Variants in CACNA2D1 observed in about 807,000 individuals in gnomAD.
CACNA2D1 encodes the protein voltage-dependent calcium channel subunit alpha-2/delta-1.
Under a neutral mutation model 171.5 loss-of-function variants are expected in CACNA2D1, and 53 were observed. The ratio of observed to expected loss-of-function variants is 0.31; its 90% confidence interval spans 0.25 to 0.39. The LOEUF is 0.39. CACNA2D1 is among the 10% of genes least tolerant of loss of function. CACNA2D1 has a pLI of 1.00. For missense variants in CACNA2D1, 903 were observed against 1,299.8 expected, an observed-to-expected ratio of 0.69 and a Z score of 4.69; for synonymous variants, 442 against 443.1, an observed-to-expected ratio of 1.00 and a Z score of 0.03.
At chr7:82,295,563 C>G (rs1281786686) in intron 3 of CACNA2D1, among the ~76,000 whole-genome samples, 2 of 151,590 alleles carry the variant, frequency 1.3e-5, no homozygotes, top group Non-Finnish European at 2.9e-5. Flanking sequence ...ACCATGTTGC[C>G]TAGGCTAGTC....
At chr7:82,173,205 G>A (rs1171780321) in intron 3 of CACNA2D1, among the ~76,000 whole-genome samples, 1 of 152,050 alleles carries the variant, frequency 6.6e-6, no homozygotes, top group Non-Finnish European at 1.5e-5. Flanking sequence ...CAGAGAAACA[G>A]AATAACAGTG....
intron 3 of CACNA2D1, among the ~76,000 whole-genome samples, chr7:82,280,773 T>C (rs1459520492): frequency 6.6e-6 from 1 of 152,146 alleles, no homozygotes; most frequent in Non-Finnish European, 1.5e-5. Flanking sequence ...CCTTGAACTC[T>C]TGGGCTCCAG....
chr7:82,074,426 C>G (rs1808709603), intron 7 of CACNA2D1, among the ~76,000 whole-genome samples: 2 of 151,918 alleles, frequency 1.3e-5, no homozygotes, highest in South Asian at 2.1e-4. Flanking sequence ...TGAGGTTGCA[C>G]TATGTTGGCC....
intron 2 of CACNA2D1, among the ~76,000 whole-genome samples, chr7:82,341,762 T>G (rs967123063): frequency 2.6e-5 from 4 of 152,058 alleles, no homozygotes; most frequent in African/African-American, 9.7e-5. Context: ...TTTTTAAAAA[T>G]CACATTTGAG....
At chr7:81,999,835 A>G (rs1798407502) in intron 18 of CACNA2D1, among the ~76,000 whole-genome samples, 1 of 152,258 alleles carries the variant, frequency 6.6e-6, no homozygotes. Flanking sequence ...TAGGAATTAT[A>G]AAAGATATGA....
At chr7:82,134,022 G>A (rs1322961531) in intron 5 of CACNA2D1, among the ~76,000 whole-genome samples, 4 of 151,812 alleles carry the variant, frequency 2.6e-5, no homozygotes, top group African/African-American at 9.7e-5. Context: ...GCAGTGAACC[G>A]AGATCGCACC....
Position 81,994,888 on chromosome 7 carries a change from G to C in CACNA2D1, c.1714C>G (p.Leu572Val). ...GESGEKTFRT[L>V]VKSQDERYID... Reference sequence around the variant, plus strand: ...CTTACCTCATCTTGAGATTTAACCAGAGTTCTGAATGTTTTTTCTCCACTT... The same window carrying C: ...CTTACCTCATCTTGAGATTTAACCACAGTTCTGAATGTTTTTTCTCCACTT... The change falls in exon 20 of 39, where the codon CTG becomes GTG. Residue 572 changes from leucine (L) to valine (V), a missense_variant. By Grantham distance (32) the Leu-to-Val change is conservative (BLOSUM62 1). Coordinates refer to ENST00000356860, the MANE Select transcript of CACNA2D1 (RefSeq NM_000722.4). 2.6e-6 allele frequency: 4 copies of C among 1,526,694 alleles called. No homozygotes were observed. Among genetic ancestry groups the C allele is most frequent in the Non-Finnish European group, 3.6e-6 (4 of 1,100,814 alleles). The allele number at this position is 1,526,694 out of a possible 1,614,324, so 94.6% of individuals were successfully genotyped here.
At chr7:82,123,010 A>G (rs1312957121) in intron 5 of CACNA2D1, among the ~76,000 whole-genome samples, 2 of 152,214 alleles carry the variant, frequency 1.3e-5, no homozygotes, top group Non-Finnish European at 2.9e-5. Context: ...GAGATCACAC[A>G]GTAGGACTCC....
At chr7:82,402,714 A>C (rs1826569667) in intron 1 of CACNA2D1, among the ~76,000 whole-genome samples, 2 of 149,774 alleles carry the variant, frequency 1.3e-5, no homozygotes, top group South Asian at 2.1e-4. Context: ...TCAAAAAAAA[A>C]AAAAAAAAAA....
chr7:82,364,390 T>C (rs1181200829), intron 1 of CACNA2D1, among the ~76,000 whole-genome samples: 1 of 152,182 alleles, frequency 6.6e-6, no homozygotes, highest in Non-Finnish European at 1.5e-5. Flanking sequence ...CCCTGCATTG[T>C]TGTCCACCTG....
At chr7:82,377,568 G>T (rs2129448904) in intron 1 of CACNA2D1, among the ~76,000 whole-genome samples, 1 of 152,270 alleles carries the variant, frequency 6.6e-6, no homozygotes, top group South Asian at 2.1e-4. Context: ...ATAATGGAAG[G>T]ATTTGATCAT....
At chr7:82,347,587 C>T (rs1409639072) in intron 2 of CACNA2D1, among the ~76,000 whole-genome samples, 1 of 152,166 alleles carries the variant, frequency 6.6e-6, no homozygotes, top group Admixed American at 6.5e-5. Context: ...TAAACTCTGA[C>T]ATCCTTCAGC....
At chr7:82,128,174 C>T (rs1790558547) in intron 5 of CACNA2D1, among the ~76,000 whole-genome samples, 1 of 151,854 alleles carries the variant, frequency 6.6e-6, no homozygotes, top group Non-Finnish European at 1.5e-5. Flanking sequence ...AAGTGTTCTG[C>T]CTGCCTCAGC....
chr7:81,971,699 A>T, intron 26 of CACNA2D1, 78 bp downstream of exon 26: 2 of 818,002 alleles, frequency 2.4e-6, no homozygotes, highest in Non-Finnish European at 4.3e-6. Flanking sequence ...AATTTATGAG[A>T]TTCATACCCA....
chr7:82,240,418 A>G (rs960588410), intron 3 of CACNA2D1, among the ~76,000 whole-genome samples: 1 of 152,212 alleles, frequency 6.6e-6, no homozygotes, highest in Non-Finnish European at 1.5e-5. Context: ...ATCTCATTTT[A>G]TATTTTGGAT....
At chr7:82,276,004 T>C (rs747543658) in intron 3 of CACNA2D1, among the ~76,000 whole-genome samples, 2 of 152,182 alleles carry the variant, frequency 1.3e-5, no homozygotes, top group Non-Finnish European at 2.9e-5. Flanking sequence ...TACTTAACTA[T>C]TATCATTTCT....
chr7:82,384,450 G>A (rs200495938), intron 1 of CACNA2D1, among the ~76,000 whole-genome samples: 6 of 152,022 alleles, frequency 3.9e-5, no homozygotes, highest in Non-Finnish European at 5.9e-5. Flanking sequence ...TGAATGAGTC[G>A]GCACCTTATT....
intron 3 of CACNA2D1, among the ~76,000 whole-genome samples, chr7:82,294,349 CT>C (rs1239584069): frequency 2.0e-5 from 3 of 152,028 alleles, no homozygotes; most frequent in Non-Finnish European, 4.4e-5. Flanking sequence ...GAAATTTTAA[CT>C]TGATATTAGG....
intron 5 of CACNA2D1, 57 bp downstream of exon 5, chr7:82,136,578 G>C: frequency 7.6e-7 from 1 of 1,321,318 alleles, no homozygotes; most frequent in Non-Finnish European, 1.1e-6. Context: ...TTCTATATAA[G>C]GCCAATCATT....
Sources: allele counts gnomAD v4.1 joint callset (sites outside exome capture counted in the v4.1 genomes callset), GRCh38; gene constraint gnomAD v4.1.1; transcripts MANE v1.5; gene names NCBI Gene and HGNC (gene_info 2026-07-23, HGNC 2026-07-21).